Variants in HEATR5A observed in about 807,000 individuals in gnomAD.
The protein encoded by HEATR5A is HEAT repeat-containing protein 5A.
In HEATR5A, 178 loss-of-function variants were observed where a neutral mutation model predicts 218.8. That is an observed-to-expected ratio of 0.81 (90% CI 0.72 to 0.92). HEATR5A has a LOEUF of 0.92. HEATR5A is among the 40% of genes least tolerant of loss of function. HEATR5A has a pLI of 0.00. For missense variants in HEATR5A, 2,420 were observed against 2,418.9 expected, an observed-to-expected ratio of 1.00 and a Z score of -0.01; for synonymous variants, 864 against 871.6, an observed-to-expected ratio of 0.99 and a Z score of 0.15.
At chr14:31,320,203 G>A (rs972426157) in intron 25 of HEATR5A, 7 of 623,816 alleles carry the variant, frequency 1.1e-5, no homozygotes, top group Admixed American at 7.5e-5. Flanking sequence ...GCAGGGACAG[G>A]CAGGTGACCC....
At chr14:31,396,805 T>C (rs1595173043) in intron 4 of HEATR5A, among the ~76,000 whole-genome samples, 1 of 152,188 alleles carries the variant, frequency 6.6e-6, no homozygotes, top group Non-Finnish European at 1.5e-5. Flanking sequence ...TCAAGGATGT[T>C]AGTTAAAAAA....
intron 1 of HEATR5A, among the ~76,000 whole-genome samples, chr14:31,407,604 A>ATTTTTATATATATATATATATATATATT (rs1265606928): frequency 7.0e-4 from 1 of 1,424 alleles, no homozygotes; most frequent in African/African-American, 1.1e-3. Context: ...ATATATATAT[A>ATTTTTATATATATATATATATATATATT]TATATATATA....
At chr14:31,416,473 T>C (rs2031453090) in intron 1 of HEATR5A, among the ~76,000 whole-genome samples, 1 of 152,158 alleles carries the variant, frequency 6.6e-6, no homozygotes, top group African/African-American at 2.4e-5. Flanking sequence ...TATTTAAAAT[T>C]ATCACCTTCT....
chr14:31,378,458 CT>C (rs1384427774), intron 11 of HEATR5A, among the ~76,000 whole-genome samples: 4 of 152,188 alleles, frequency 2.6e-5, no homozygotes, highest in African/African-American at 9.7e-5. Context: ...TGAAGCTAAA[CT>C]TGATCTAGTC....
At chr14:31,375,248 A>G (rs1337727004) in intron 11 of HEATR5A, among the ~76,000 whole-genome samples, 1 of 152,204 alleles carries the variant, frequency 6.6e-6, no homozygotes, top group Non-Finnish European at 1.5e-5. Context: ...TTTCGTCTAC[A>G]TATTAAATGA....
chr14:31,359,141 T>C (rs1901526439), intron 14 of HEATR5A, 84 bp from the exon 15 acceptor site: 1 of 1,323,790 alleles, frequency 7.6e-7, no homozygotes, highest in South Asian at 1.4e-5. Flanking sequence ...TGAGCTTTAA[T>C]GCACCCACTG....
chr14:31,380,383 A>T, intron 11 of HEATR5A, 84 bp downstream of exon 11: 1 of 860,680 alleles, frequency 1.2e-6, no homozygotes, highest in Non-Finnish European at 1.8e-6. Context: ...TTAAAAGTTC[A>T]TTTCATCAAA....
intron 6 of HEATR5A, among the ~76,000 whole-genome samples, chr14:31,393,236 G>T (rs745334194): frequency 4.6e-5 from 7 of 152,180 alleles, no homozygotes; most frequent in Admixed American, 1.3e-4. Context: ...TGGCTGGGGG[G>T]TGGTGGCTCA....
intron 18 of HEATR5A, among the ~76,000 whole-genome samples, chr14:31,349,105 A>T (rs1182654003): frequency 2.0e-5 from 3 of 152,198 alleles, no homozygotes; most frequent in African/African-American, 7.2e-5. Flanking sequence ...AAATGAAAGT[A>T]CAGGCCAGGA....
intron 12 of HEATR5A, 145 bp downstream of exon 12, chr14:31,374,671 T>G: frequency 1.5e-6 from 1 of 670,604 alleles, no homozygotes; most frequent in Non-Finnish European, 2.5e-6. Flanking sequence ...TAATCGGTTA[T>G]AATTTTTTTG....
chr14:31,390,297 AC>A (rs1370409401), intron 6 of HEATR5A, among the ~76,000 whole-genome samples: 1 of 152,112 alleles, frequency 6.6e-6, no homozygotes, highest in Non-Finnish European at 1.5e-5. Flanking sequence ...CCAGTGGAAG[AC>A]CGTGAGCAGA....
At chr14:31,317,670 T>C (rs1218682507) in intron 26 of HEATR5A, among the ~76,000 whole-genome samples, 1 of 152,186 alleles carries the variant, frequency 6.6e-6, no homozygotes, top group African/African-American at 2.4e-5. Flanking sequence ...TGTATGGCTC[T>C]TAAGTATATG....
At chr14:31,315,494 C>G (rs1318461370) in intron 27 of HEATR5A, among the ~76,000 whole-genome samples, 1 of 152,164 alleles carries the variant, frequency 6.6e-6, no homozygotes, top group Non-Finnish European at 1.5e-5. Context: ...TCCAATAATT[C>G]AGGATTCAAT....
At chr14:31,324,658 A>G (rs1566754479) in intron 23 of HEATR5A, among the ~76,000 whole-genome samples, 1 of 150,926 alleles carries the variant, frequency 6.6e-6, no homozygotes, top group Non-Finnish European at 1.5e-5. Flanking sequence ...GGAAAATGTA[A>G]TCAGTCTATG....
intron 12 of HEATR5A, among the ~76,000 whole-genome samples, chr14:31,372,112 G>C (rs1902057579): frequency 6.6e-6 from 1 of 151,150 alleles, no homozygotes; most frequent in African/African-American, 2.4e-5. Flanking sequence ...AACTCTCTAG[G>C]AGTACTAAGA....
intron 22 of HEATR5A, chr14:31,334,594 G>C: frequency 2.9e-6 from 1 of 350,610 alleles, no homozygotes; most frequent in South Asian, 2.2e-5. Context: ...GCATGTTACA[G>C]AGTAATCTTT....
In HEATR5A at chr14:31,347,851, G is replaced by A. The variant is rs1458978154; in HGVS notation, c.2765C>T (p.Ser922Phe). ...TRTGHSLALG[S>F]LHRYLGGISS... The stretch of plus-strand genomic sequence containing the variant: ...TATTCCTCCTAAATACCTATGTAGG[G>A]ACCCCAAGGCCAATGAGTGTCCTGT... Residue 922 changes from serine to phenylalanine, a missense_variant, in exon 19 of 36, where the codon TCC becomes TTC. By Grantham distance (155) the Ser-to-Phe change is radical (BLOSUM62 -2). Transcript: ENST00000543095. 8 of 1,587,336 alleles carry A rather than the reference G, an allele frequency of 5.0e-6. No homozygotes were observed. In the African/African-American group the frequency reaches 8.1e-5, roughly 16 times the overall value.
At chr14:31,337,845 A>T (rs1900717639) in intron 21 of HEATR5A, among the ~76,000 whole-genome samples, 2 of 152,222 alleles carry the variant, frequency 1.3e-5, no homozygotes, top group Admixed American at 6.5e-5. Flanking sequence ...ACTACTCATA[A>T]ATCTAACAAA....
intron 1 of HEATR5A, among the ~76,000 whole-genome samples, chr14:31,419,062 A>C (rs1191338078): frequency 6.6e-6 from 1 of 152,192 alleles, no homozygotes; most frequent in Non-Finnish European, 1.5e-5. Context: ...ATAATGAATA[A>C]TACTAAAAAA....
Sources: allele counts gnomAD v4.1 joint callset (sites outside exome capture counted in the v4.1 genomes callset), GRCh38; gene constraint gnomAD v4.1.1; transcripts MANE v1.5; gene names NCBI Gene and HGNC (gene_info 2026-07-23, HGNC 2026-07-21).